The following RGS12 variants were observed in gnomAD, a reference collection of about 807,000 sequenced individuals.
RGS12 encodes regulator of G protein signaling 12.
In RGS12, 66 loss-of-function variants were observed where a neutral mutation model predicts 120.1. The observed-to-expected ratio is 0.55, with a 90% CI of 0.45 to 0.67. The LOEUF (loss-of-function observed/expected upper bound fraction) is 0.67, where lower values mean the gene tolerates loss of function less well. Among genes scored for constraint, RGS12 ranks in the 30% least tolerant of loss-of-function variants. The pLI, the probability that RGS12 is intolerant of heterozygous loss-of-function variation, is 0.00. For missense variants in RGS12, 1,859 were observed against 1,957.7 expected, an observed-to-expected ratio of 0.95 and a Z score of 0.95; for synonymous variants, 827 against 804.7, an observed-to-expected ratio of 1.03 and a Z score of -0.47.
intron 3 of RGS12, among the ~76,000 whole-genome samples, chr4:3,377,821 C>T (rs1024785845): frequency 6.6e-6 from 1 of 152,202 alleles, no homozygotes. Context: ...GTTGTGTGGA[C>T]TTAAGTTACA....
intron 4 of RGS12, among the ~76,000 whole-genome samples, chr4:3,387,937 G>A (rs961196000): frequency 6.6e-6 from 1 of 152,210 alleles, no homozygotes; most frequent in Non-Finnish European, 1.5e-5. Context: ...CCATTTTACA[G>A]TTGTTTAAAA....
At chr4:3,293,533 G>T (rs1026923110) in intron 1 of RGS12, among the ~76,000 whole-genome samples, 7 of 152,114 alleles carry the variant, frequency 4.6e-5, no homozygotes, top group African/African-American at 1.4e-4. Flanking sequence ...CTTTGTTAGG[G>T]CAGAAGCTGC....
rs1393277344 is a variant in RGS12, at chr4:3,390,064, C to T, written c.2020+3627C>T. Reference sequence around the variant, plus strand: ...CTTCTCCTGAACGCTGGTGGTTGCCCCCACAGCAGCAGCAGTGATCTGCCC... The same window carrying T: ...CTTCTCCTGAACGCTGGTGGTTGCCTCCACAGCAGCAGCAGTGATCTGCCC... On this transcript the variant is annotated intron_variant, in intron 4 of 17. Coordinates refer to ENST00000336727, the MANE Select transcript of RGS12 (RefSeq NM_001394154.1). This position sits in a 1 kb window ranked among gnomAD's most constrained non-coding sequence, Gnocchi z 4.6. 6.6e-6 allele frequency among the ~76,000 whole-genome samples: 1 copy of T among 152,158 alleles called. No homozygotes were observed. Among genetic ancestry groups the T allele is most frequent in the Non-Finnish European group, 1.5e-5 (1 of 68,032 alleles).
chr4:3,428,847 C>A, intron 16 of RGS12, 136 bp downstream of exon 16: 1 of 754,148 alleles, frequency 1.3e-6, no homozygotes, highest in Non-Finnish European at 2.1e-6. Flanking sequence ...ACATGTTTCT[C>A]CCGGGGGCAG....
intron 4 of RGS12, among the ~76,000 whole-genome samples, chr4:3,394,877 AAAG>A (rs1224463661): frequency 2.6e-5 from 4 of 152,154 alleles, no homozygotes; most frequent in African/African-American, 7.2e-5. Context: ...CTTAAAAAAA[AAAG>A]AAGACTGACT....
intron 1 of RGS12, among the ~76,000 whole-genome samples, chr4:3,297,142 C>A (rs1723426084): frequency 6.6e-6 from 1 of 152,200 alleles, no homozygotes; most frequent in Non-Finnish European, 1.5e-5. Flanking sequence ...TCTTTTCTTT[C>A]TGCTTTTCCA....
intron 3 of RGS12, among the ~76,000 whole-genome samples, chr4:3,371,565 A>T (rs1006311031): frequency 1.3e-5 from 2 of 152,210 alleles, no homozygotes; most frequent in African/African-American, 4.8e-5. Context: ...AAATGCTTAC[A>T]CTGGCAGATA....
intron 3 of RGS12, among the ~76,000 whole-genome samples, chr4:3,344,590 C>A (rs2108783489): frequency 6.6e-6 from 1 of 152,366 alleles, no homozygotes; most frequent in African/African-American, 2.4e-5. Context: ...TCTGCACAAC[C>A]TGCCCCTTCC....
At chr4:3,369,375 G>A (rs1716733835) in intron 3 of RGS12, among the ~76,000 whole-genome samples, 2 of 152,222 alleles carry the variant, frequency 1.3e-5, no homozygotes, top group African/African-American at 4.8e-5. Context: ...CCACAGAAAG[G>A]CAGAAGCAGA....
At chr4:3,438,010 G>A (rs530056199) in intron 17 of RGS12, among the ~76,000 whole-genome samples, 52 of 152,294 alleles carry the variant, frequency 3.4e-4, no homozygotes, top group Non-Finnish European at 6.8e-4. Flanking sequence ...AGGACCCTGC[G>A]GCCATTTCAG....
upstream of RGS12, among the ~76,000 whole-genome samples, chr4:3,290,018 G>A (rs1722975609): frequency 6.6e-6 from 1 of 152,212 alleles, no homozygotes; most frequent in Non-Finnish European, 1.5e-5. Flanking sequence ...AGAGTATTCA[G>A]TAATTCACGA....
chr4:3,398,052 A>G (rs1720220162), intron 4 of RGS12, among the ~76,000 whole-genome samples: 1 of 152,240 alleles, frequency 6.6e-6, no homozygotes, highest in East Asian at 1.9e-4. Flanking sequence ...GACTTCTTAC[A>G]GGAAGTAAAT....
chr4:3,358,385 G>T (rs990878246), intron 3 of RGS12, among the ~76,000 whole-genome samples: 1 of 152,104 alleles, frequency 6.6e-6, no homozygotes, highest in Non-Finnish European at 1.5e-5. Flanking sequence ...AAGAATTGTC[G>T]AAGTGGGCAT....
chr4:3,414,025 C>T (rs367758585), intron 4 of RGS12, 47 bp from the exon 5 acceptor site: 41 of 1,483,610 alleles, frequency 2.8e-5, no homozygotes, highest in African/African-American at 1.2e-4. Context: ...GTCACTGGGC[C>T]GGGGCGGAGG....
intron 2 of RGS12, among the ~76,000 whole-genome samples, chr4:3,329,415 G>GA (rs1296862785): frequency 6.6e-6 from 1 of 152,188 alleles, no homozygotes; most frequent in Non-Finnish European, 1.5e-5. Context: ...CAGAGCTTGA[G>GA]AGAGTGTGTT....
intron 17 of RGS12, among the ~76,000 whole-genome samples, chr4:3,436,773 T>C (rs1213358500): frequency 1.3e-5 from 2 of 151,942 alleles, no homozygotes; most frequent in Admixed American, 1.3e-4. Flanking sequence ...GGCCTGCGCA[T>C]GTGGAAAGAG....
intron 2 of RGS12, among the ~76,000 whole-genome samples, chr4:3,323,498 T>C (rs543488715): frequency 1.3e-5 from 2 of 152,252 alleles, no homozygotes; most frequent in Non-Finnish European, 2.9e-5. Context: ...TGAAAATACA[T>C]GTGACATACT....
Position 3,439,512 on chromosome 4 carries a change from T to C in RGS12, c.4172T>C (p.Leu1391Pro). The part of the protein sequence containing the change: ...LPVNRIIDVD[L>P]VTGSAPGRDG... ...GTCAACAGAATCATCGATGTGGATC[T>C]TGTAACTGGCTCGGCGCCCGGGCGG... Residue 1391 changes from leucine (L) to proline (P), a missense_variant, in exon 18 of 18, where the codon CTT becomes CCT. By Grantham distance (98) the Leu-to-Pro change is moderately conservative. Coordinates refer to ENST00000336727, the MANE Select transcript of RGS12 (RefSeq NM_001394154.1). 2 of 1,612,788 alleles carry C rather than the reference T, an allele frequency of 1.2e-6. No individual in the cohort carries two copies.
chr4:3,340,304 A>C (rs1016128834), intron 2 of RGS12, among the ~76,000 whole-genome samples: 2 of 152,230 alleles, frequency 1.3e-5, no homozygotes, highest in African/African-American at 4.8e-5. Context: ...GTCCCATGGC[A>C]GTCCCCTGGG....
Sources: allele counts gnomAD v4.1 joint callset (sites outside exome capture counted in the v4.1 genomes callset), GRCh38; gene constraint gnomAD v4.1.1; non-coding constraint Gnocchi (gnomAD v3.1); transcripts MANE v1.5; gene names NCBI Gene and HGNC (gene_info 2026-07-23, HGNC 2026-07-21).